Variants in CSMD3 observed in about 807,000 individuals in gnomAD.
The protein encoded by CSMD3 is CUB and sushi domain-containing protein 3.
A neutral mutation model predicts 435.2 loss-of-function variants in CSMD3; 177 were observed. That is an observed-to-expected ratio of 0.41 (90% CI 0.36 to 0.46). The LOEUF is 0.46. CSMD3 is among the 20% of genes least tolerant of loss of function. The pLI is 0.34. For missense variants in CSMD3, 4,265 were observed against 4,504.6 expected (o/e 0.95, Z 1.52); for synonymous variants, 1,656 against 1,520.5 (o/e 1.09, Z -2.07).
At chr8:113,172,914 TTC>T (rs1237230718) in intron 4 of CSMD3, among the ~76,000 whole-genome samples, 2 of 152,208 alleles carry the variant, frequency 1.3e-5, no homozygotes, top group Non-Finnish European at 2.9e-5. Flanking sequence ...GTTGAACACG[TTC>T]TGTTTCCCAA....
At chr8:112,382,592 T>A (rs963608512) in intron 37 of CSMD3, among the ~76,000 whole-genome samples, 4 of 152,086 alleles carry the variant, frequency 2.6e-5, no homozygotes, top group Admixed American at 6.5e-5. Context: ...ATTTCTAGAG[T>A]TTAAAAAGTA....
At chr8:112,863,120 T>C (rs1456220654) in intron 10 of CSMD3, among the ~76,000 whole-genome samples, 1 of 152,068 alleles carries the variant, frequency 6.6e-6, no homozygotes, top group Non-Finnish European at 1.5e-5. Context: ...CTTTTATATG[T>C]GCTACAAATA....
At chr8:112,972,840 A>G (rs2084707226) in intron 7 of CSMD3, among the ~76,000 whole-genome samples, 1 of 151,932 alleles carries the variant, frequency 6.6e-6, no homozygotes, top group African/African-American at 2.4e-5. Flanking sequence ...TAAATTTTAC[A>G]GGAAAATTTA....
At chr8:112,846,162 G>A (rs1336301534) in intron 11 of CSMD3, among the ~76,000 whole-genome samples, 1 of 151,584 alleles carries the variant, frequency 6.6e-6, no homozygotes, top group Non-Finnish European at 1.5e-5. Context: ...AGTGGAAAAT[G>A]CATGTAATCT....
chr8:112,664,032 G>A (rs940773074), intron 17 of CSMD3, among the ~76,000 whole-genome samples: 2 of 152,074 alleles, frequency 1.3e-5, no homozygotes, highest in Non-Finnish European at 2.9e-5. Context: ...ATAATGACTG[G>A]TGAGAGTCAT....
chr8:113,330,256 G>A lies in CSMD3; in HGVS notation c.179-15463C>T, dbSNP rs73339749. Among the ~76,000 whole-genome samples, 537 of 152,076 alleles carry A rather than the reference G, an allele frequency of 3.5e-3. 2 individuals carry two copies. The highest frequency in any genetic ancestry group is 0.012 in the African/African-American group (500 of 41,538). ...AGTTAGTATTAATCTGAACTAGAAT[G>A]TTGAAGTAAGAAGCTAATTGTAATC... On this transcript the variant is annotated intron_variant, in intron 1 of 70. Transcript: ENST00000297405.
At chr8:112,594,469 T>A (rs1411873263) in intron 22 of CSMD3, among the ~76,000 whole-genome samples, 2 of 152,176 alleles carry the variant, frequency 1.3e-5, no homozygotes, top group African/African-American at 4.8e-5. Flanking sequence ...CCAGGCTTGC[T>A]TAGGTAAACA....
chr8:112,494,029 T>C (rs1409914224), intron 30 of CSMD3, among the ~76,000 whole-genome samples: 1 of 152,154 alleles, frequency 6.6e-6, no homozygotes. Context: ...ACTACAAACA[T>C]ATTTTTATAT....
chr8:112,568,407 A>G (rs896062707), intron 24 of CSMD3, among the ~76,000 whole-genome samples: 7 of 152,086 alleles, frequency 4.6e-5, no homozygotes, highest in African/African-American at 1.7e-4. Flanking sequence ...AGCCTGGCCA[A>G]TATGGCAAAA....
intron 19 of CSMD3, among the ~76,000 whole-genome samples, chr8:112,648,752 T>G (rs1349199304): frequency 5.9e-5 from 9 of 152,156 alleles, no homozygotes; most frequent in Admixed American, 5.9e-4. Context: ...TAATATTGCC[T>G]CCATACCTTT....
intron 14 of CSMD3, among the ~76,000 whole-genome samples, chr8:112,686,413 A>G (rs566056912): frequency 2.0e-5 from 3 of 152,316 alleles, no homozygotes; most frequent in South Asian, 4.1e-4. Context: ...AGAAACAGAA[A>G]AGAAAATGAC....
chr8:112,384,406 T>C (rs1414682458), intron 36 of CSMD3, among the ~76,000 whole-genome samples: 2 of 152,206 alleles, frequency 1.3e-5, no homozygotes, highest in African/African-American at 4.8e-5. Flanking sequence ...TAGAGAAAGA[T>C]GCATGTGTTA....
intron 3 of CSMD3, among the ~76,000 whole-genome samples, chr8:113,259,295 A>G (rs577855431): frequency 3.3e-5 from 5 of 152,278 alleles, no homozygotes. Context: ...CACTTCTGCT[A>G]TAGGCATGAG....
intron 10 of CSMD3, among the ~76,000 whole-genome samples, chr8:112,892,955 T>C (rs1375951841): frequency 1.3e-5 from 2 of 151,446 alleles, no homozygotes; most frequent in Non-Finnish European, 3.0e-5. Flanking sequence ...TTAGAGCAAT[T>C]GTTTGTTGAA....
intron 1 of CSMD3, among the ~76,000 whole-genome samples, chr8:113,375,119 T>C (rs2094373141): frequency 6.6e-6 from 1 of 152,074 alleles, no homozygotes; most frequent in African/African-American, 2.4e-5. Flanking sequence ...ACAAAATCAA[T>C]CTCAAGATAA....
chr8:113,034,740 T>C (rs547491043), intron 5 of CSMD3, among the ~76,000 whole-genome samples: 7 of 152,126 alleles, frequency 4.6e-5, no homozygotes, highest in Admixed American at 2.6e-4. Context: ...TTAGTAAAAA[T>C]AGAGAATATA....
intron 5 of CSMD3, among the ~76,000 whole-genome samples, chr8:113,050,631 A>T (rs2088045592): frequency 6.6e-6 from 1 of 152,132 alleles, no homozygotes; most frequent in African/African-American, 2.4e-5. Context: ...AAAACATTTT[A>T]AAAATATATA....
At chr8:112,264,964 T>G (rs1816795112) in intron 60 of CSMD3, among the ~76,000 whole-genome samples, 1 of 151,992 alleles carries the variant, frequency 6.6e-6, no homozygotes. Context: ...AACAAGTTTT[T>G]CCCATTATTT....
chr8:112,375,275 A>G (rs1828834902), intron 38 of CSMD3, among the ~76,000 whole-genome samples: 1 of 152,160 alleles, frequency 6.6e-6, no homozygotes, highest in Admixed American at 6.6e-5. Flanking sequence ...CTCAATTAGA[A>G]AAGAGATTTG....
Sources: gnomAD v4.1 joint callset for allele counts (sites outside exome capture counted in the v4.1 genomes callset) on GRCh38, gnomAD v4.1.1 for gene constraint, MANE v1.5 for transcripts, NCBI Gene and HGNC (gene_info 2026-07-23, HGNC 2026-07-21) for gene names.